Variants in KCNA6 observed in about 807,000 individuals in gnomAD.
The protein encoded by KCNA6 is potassium voltage-gated channel subfamily A member 6.
In KCNA6, 17 loss-of-function variants were observed where a neutral mutation model predicts 29.5. That is an observed-to-expected ratio of 0.58 (90% confidence interval 0.39 to 0.86). The LOEUF is 0.86. Among genes scored for constraint, KCNA6 ranks in the 40% least tolerant of loss-of-function variants. KCNA6 has a pLI of 0.00. For synonymous variants in KCNA6, 296 were observed against 304.7 expected, an observed-to-expected ratio of 0.97 and a Z score of 0.30; for missense variants, 450 against 703.4, an observed-to-expected ratio of 0.64 and a Z score of 4.07.
downstream of KCNA6, among the ~76,000 whole-genome samples, chr12:4,817,307 G>A (rs1946691884): frequency 6.6e-6 from 1 of 152,232 alleles, no homozygotes; most frequent in African/African-American, 2.4e-5. Context: ...GGCAGGGAGA[G>A]GGATCTTCCC....
chr12:4,828,261 A>G, the KCNA6 span, among the ~76,000 whole-genome samples: 1 of 152,230 alleles, frequency 6.6e-6, no homozygotes, highest in Non-Finnish European at 1.5e-5. Flanking sequence ...AACTTTGTCT[A>G]TGTCTGTATC....
the KCNA6 span, among the ~76,000 whole-genome samples, chr12:4,830,865 T>G: frequency 6.6e-6 from 1 of 152,336 alleles, no homozygotes; most frequent in East Asian, 1.9e-4. Flanking sequence ...ATTCTCCCCA[T>G]GGCCTTTACC....
At chr12:4,817,044 A>G (rs886727401), downstream of KCNA6, among the ~76,000 whole-genome samples, 2 of 152,250 alleles carry the variant, frequency 1.3e-5, no homozygotes, top group Admixed American at 6.5e-5. Flanking sequence ...AGATTCCCAG[A>G]GAGCGTGGTC....
the KCNA6 span, among the ~76,000 whole-genome samples, chr12:4,837,041 C>A: frequency 6.6e-6 from 1 of 152,092 alleles, no homozygotes; most frequent in Non-Finnish European, 1.5e-5. Flanking sequence ...AAGACCAAGG[C>A]AGGATTATAG....
downstream of KCNA6, among the ~76,000 whole-genome samples, chr12:4,817,231 G>A (rs938086810): frequency 6.6e-6 from 1 of 152,186 alleles, no homozygotes; most frequent in Non-Finnish European, 1.5e-5. Flanking sequence ...TCTCCATCCC[G>A]CTTCATATTT....
At chr12:4,841,434 T>G in the KCNA6 span, among the ~76,000 whole-genome samples, 2 of 152,202 alleles carry the variant, frequency 1.3e-5, no homozygotes, top group African/African-American at 4.8e-5. Flanking sequence ...AAAGCATAGT[T>G]GTTAAAACTT....
the KCNA6 span, among the ~76,000 whole-genome samples, chr12:4,834,816 C>T: frequency 2.6e-5 from 4 of 152,222 alleles, no homozygotes; most frequent in African/African-American, 9.6e-5. Context: ...TCTTTTACAG[C>T]TGACTTTCAG....
the KCNA6 span, among the ~76,000 whole-genome samples, chr12:4,829,223 C>T: frequency 2.6e-5 from 4 of 152,102 alleles, no homozygotes; most frequent in Non-Finnish European, 5.9e-5. Flanking sequence ...GAGTTTCACC[C>T]CGGTGGAGCA....
chr12:4,851,028 C>T, the KCNA6 span: 18 of 287,402 alleles, frequency 6.3e-5, no homozygotes, highest in Non-Finnish European at 8.6e-5. Context: ...CAGGGGATTC[C>T]GGGAGGTGCA....
At chr12:4,840,354 C>T in the KCNA6 span, among the ~76,000 whole-genome samples, 2 of 152,104 alleles carry the variant, frequency 1.3e-5, no homozygotes, top group African/African-American at 2.4e-5. Context: ...CCAAAGAAGG[C>T]ATGCACGTGG....
At chr12:4,849,052 C>T in the KCNA6 span, among the ~76,000 whole-genome samples, 2 of 151,680 alleles carry the variant, frequency 1.3e-5, no homozygotes, top group African/African-American at 4.8e-5. Context: ...CCCCGGGAGT[C>T]GGAGGTTGCA....
At chr12:4,838,530 A>C in the KCNA6 span, among the ~76,000 whole-genome samples, 2 of 152,354 alleles carry the variant, frequency 1.3e-5, no homozygotes, top group East Asian at 3.9e-4. Flanking sequence ...ATGATGGTCC[A>C]GTTTACTCAG....
chr12:4,835,806 C>T, the KCNA6 span, among the ~76,000 whole-genome samples: 2 of 152,224 alleles, frequency 1.3e-5, no homozygotes, highest in African/African-American at 4.8e-5. Context: ...GGTTTCCTCT[C>T]CTGCATGTCA....
At chr12:4,842,012 C>CATGTGTGT in the KCNA6 span, among the ~76,000 whole-genome samples, 5 of 124,900 alleles carry the variant, frequency 4.0e-5, no homozygotes, top group Non-Finnish European at 8.2e-5. Context: ...ATGGAGCTTA[C>CATGTGTGT]GTGTGTGTGT....
chr12:4,815,311 T>C (rs1946671702), downstream of KCNA6, among the ~76,000 whole-genome samples: 1 of 152,224 alleles, frequency 6.6e-6, no homozygotes, highest in Non-Finnish European at 1.5e-5. Context: ...CTTCTCACTC[T>C]GCCATTCTTT....
chr12:4,830,380 C>A, the KCNA6 span, among the ~76,000 whole-genome samples: 2 of 152,320 alleles, frequency 1.3e-5, no homozygotes, highest in Non-Finnish European at 2.9e-5. Context: ...CATCCACCAC[C>A]AAAGCTTCCT....
chr12:4,834,621 G>T, the KCNA6 span, among the ~76,000 whole-genome samples: 1 of 152,054 alleles, frequency 6.6e-6, no homozygotes, highest in Non-Finnish European at 1.5e-5. Flanking sequence ...ATCACCAGTG[G>T]GTTCTGACAG....
In KCNA6 at chr12:4,810,748, A is replaced by G. The variant is rs2137572448; in HGVS notation, c.707A>G (p.His236Arg). 1 of 1,608,262 alleles carries G rather than the reference A, an allele frequency of 6.2e-7. No homozygotes were observed. Among genetic ancestry groups the G allele is most frequent in the East Asian group, 2.2e-5 (1 of 44,862 alleles). ...GAAGACGATTCCTACACATTTCATC[A>G]TGGCATCACCCCTGGGGAAATGGGG... Residue 236 changes from histidine to arginine, a missense_variant, in exon 1 of 1, where the codon CAT becomes CGT. His to Arg is a conservative substitution (Grantham distance 29). Around this residue, in one of 7 missense-constraint regions of KCNA6, gnomAD observed 74 missense variants for 71.5 expected, o/e 1.03. Coordinates refer to ENST00000280684, the Ensembl canonical transcript of KCNA6. The surrounding 1 kb of genome is among the most constrained non-coding windows in gnomAD (Gnocchi z 7.5).
chr12:4,810,204 C>G lies in KCNA6; in HGVS notation c.163C>G (p.Gln55Glu), dbSNP rs752783586. Reference sequence around the variant, plus strand: ...TATCTCCGGGCTGCGCTTTGAGACACAATTGCGCACCCTGTCGCTGTTTCC... The same window carrying G: ...TATCTCCGGGCTGCGCTTTGAGACAGAATTGCGCACCCTGTCGCTGTTTCC... Residue 55 changes from glutamine to glutamate, a missense_variant, in exon 1 of 1, where the codon CAA becomes GAA. Gln to Glu is a conservative substitution (Grantham distance 29, BLOSUM62 2). This residue lies in a region of KCNA6 where 133 missense variants were observed against 217.5 expected (regional missense o/e 0.61). Transcript: ENST00000280684. The surrounding 1 kb of genome is among the most constrained non-coding windows in gnomAD (Gnocchi z 7.5). The G allele has an allele frequency of 6.2e-7, 1 of 1,613,632 alleles. No homozygotes were observed. The highest frequency in any genetic ancestry group is 8.5e-7 in the Non-Finnish European group (1 of 1,179,984).
Sources: allele counts gnomAD v4.1 joint callset (sites outside exome capture counted in the v4.1 genomes callset), GRCh38; gene constraint gnomAD v4.1.1; regional missense constraint gnomAD v4.1.1; non-coding constraint Gnocchi (gnomAD v3.1); transcripts MANE v1.5; gene names NCBI Gene and HGNC (gene_info 2026-07-23, HGNC 2026-07-21).